Variants in SLC1A3 observed in about 807,000 individuals in gnomAD.
SLC1A3 encodes the protein solute carrier family 1 member 3.
In SLC1A3, 21 loss-of-function variants were observed where a neutral mutation model predicts 48.1. That is an observed-to-expected ratio of 0.44 (90% confidence interval 0.31 to 0.63). The LOEUF is 0.63. Ranked by LOEUF, SLC1A3 falls within the 20% of genes least tolerant of loss-of-function variation. SLC1A3 has a pLI of 0.08. For synonymous variants in SLC1A3, 239 were observed against 251.4 expected (o/e 0.95, Z 0.47); for missense variants, 546 against 689.0 (o/e 0.79, Z 2.32).
At chr5:36,606,126 T>A (rs187051792), upstream of SLC1A3, among the ~76,000 whole-genome samples, 56 of 152,284 alleles carry the variant, frequency 3.7e-4, no homozygotes, top group Admixed American at 2.9e-3. Context: ...GTAAGCATTA[T>A]TTTTTTTCTA....
chr5:36,613,531 G>C (rs1739294403), intron 2 of SLC1A3: 1 of 152,336 alleles, frequency 6.6e-6, no homozygotes, highest in Non-Finnish European at 1.5e-5. Flanking sequence ...CGTGGAGCAG[G>C]CACAGTCGGG....
chr5:36,604,950 A>T (rs1179986680), upstream of SLC1A3, among the ~76,000 whole-genome samples: 1 of 150,316 alleles, frequency 6.7e-6, no homozygotes, highest in Non-Finnish European at 1.5e-5. Flanking sequence ...CATGGCTCAG[A>T]TAGGACCTGG....
intron 3 of SLC1A3, among the ~76,000 whole-genome samples, chr5:36,653,226 C>A (rs1391253466): frequency 1.3e-5 from 2 of 152,186 alleles, no homozygotes; most frequent in East Asian, 3.8e-4. Flanking sequence ...CGTTCCCTCC[C>A]CAAGGAAATG....
intron 8 of SLC1A3, among the ~76,000 whole-genome samples, chr5:36,683,232 G>T (rs900063632): frequency 2.0e-5 from 3 of 152,122 alleles, no homozygotes; most frequent in Non-Finnish European, 4.4e-5. Flanking sequence ...TACTTTCAGG[G>T]ATGTTTAAAA....
At chr5:36,671,277 C>G in intron 4 of SLC1A3, 44 bp downstream of exon 4, 1 of 1,398,406 alleles carries the variant, frequency 7.2e-7, no homozygotes, top group Non-Finnish European at 1.0e-6. Context: ...TTTTCGCCAT[C>G]CAGACCCTCT....
chr5:36,599,385 G>C (rs1738780259), intron 1 of SLC1A3, among the ~76,000 whole-genome samples: 1 of 151,986 alleles, frequency 6.6e-6, no homozygotes, highest in Non-Finnish European at 1.5e-5. Context: ...GCTTAGCTAG[G>C]TCACAAGGCA....
intron 2 of SLC1A3, among the ~76,000 whole-genome samples, chr5:36,614,604 T>TA (rs1190818698): frequency 1.6e-4 from 24 of 152,236 alleles, no homozygotes; most frequent in Admixed American, 5.2e-4. Flanking sequence ...CGCCTGACAG[T>TA]AGACGCCTCT....
chr5:36,685,799 G>C (rs1404668953), intron 9 of SLC1A3, among the ~76,000 whole-genome samples: 1 of 152,178 alleles, frequency 6.6e-6, no homozygotes, highest in Non-Finnish European at 1.5e-5. Flanking sequence ...ATTATTATGA[G>C]AATGGCTTAA....
chr5:36,644,958 G>A (rs1740776339), intron 3 of SLC1A3, among the ~76,000 whole-genome samples: 1 of 152,116 alleles, frequency 6.6e-6, no homozygotes, highest in African/African-American at 2.4e-5. Flanking sequence ...TCAGGAATGT[G>A]GATGCTAAAA....
chr5:36,617,415 CTTT>C (rs34710652), intron 2 of SLC1A3, among the ~76,000 whole-genome samples: 25 of 57,688 alleles, frequency 4.3e-4, no homozygotes, highest in African/African-American at 1.2e-3. Flanking sequence ...AGGTTGCGGG[CTTT>C]TTTTTTTTTT....
intron 3 of SLC1A3, among the ~76,000 whole-genome samples, chr5:36,637,634 C>G (rs1281338240): frequency 6.6e-6 from 1 of 152,218 alleles, no homozygotes. Context: ...TGCTGTGGAA[C>G]TGCAGGTTTC....
In SLC1A3 at chr5:36,686,181, T is replaced by C; in HGVS notation, c.1541T>C (p.Ile514Thr). The C allele has an allele frequency of 1.2e-6, 2 of 1,614,028 alleles. No individual in the cohort carries two copies. The highest frequency in any genetic ancestry group is 2.2e-5 in the East Asian group (1 of 44,884). The change falls in exon 10 of 10, where the codon ATT (isoleucine) becomes ACT (threonine). Residue 514 changes from isoleucine (I) to threonine (T), a missense_variant. Coordinates refer to ENST00000265113, the MANE Select transcript of SLC1A3 (RefSeq NM_004172.5). Reference sequence around the variant, plus strand: ...GATGTTGAAATGGGTAACTCAGTGATTGAAGAGAATGAAATGAAGAAACCA... The same window carrying C: ...GATGTTGAAATGGGTAACTCAGTGACTGAAGAGAATGAAATGAAGAAACCA... The part of the protein sequence containing the change: ...NRDVEMGNSV[I>T]EENEMKKPYQ...
chr5:36,675,245 C>G (rs539998419), intron 5 of SLC1A3, among the ~76,000 whole-genome samples: 4 of 117,024 alleles, frequency 3.4e-5, no homozygotes, highest in African/African-American at 5.6e-5. Flanking sequence ...AAACCAAATT[C>G]TTTCTTTAAA....
At chr5:36,622,644 C>T (rs1040924749) in intron 2 of SLC1A3, among the ~76,000 whole-genome samples, 5 of 152,106 alleles carry the variant, frequency 3.3e-5, no homozygotes, top group Admixed American at 6.5e-5. Context: ...CCTATGATAT[C>T]TTCTTTCTGA....
chr5:36,655,278 T>C (rs537738252), intron 3 of SLC1A3, among the ~76,000 whole-genome samples: 1 of 152,320 alleles, frequency 6.6e-6, no homozygotes, highest in Admixed American at 6.5e-5. Flanking sequence ...AGGTCTCTCT[T>C]TGCACTTGCA....
At chr5:36,625,316 G>A (rs1739859424) in intron 2 of SLC1A3, among the ~76,000 whole-genome samples, 1 of 152,042 alleles carries the variant, frequency 6.6e-6, no homozygotes, top group Non-Finnish European at 1.5e-5. Context: ...AAATTAGCTG[G>A]GCCTGTTGGT....
At chr5:36,603,706 T>A (rs1201479768), upstream of SLC1A3, among the ~76,000 whole-genome samples, 2 of 152,148 alleles carry the variant, frequency 1.3e-5, no homozygotes, top group African/African-American at 4.8e-5. Flanking sequence ...CTCTAACACA[T>A]CCACTGTTAC....
chr5:36,665,024 C>T lies in SLC1A3; in HGVS notation c.320-6005C>T, dbSNP rs563025309. On this transcript the variant is annotated intron_variant, in intron 3 of 9. Coordinates refer to ENST00000265113, the MANE Select transcript of SLC1A3 (RefSeq NM_004172.5). ...ATTCCCAGCTCTGGAAATGAAACTC[C>T]GGGTGCCGCTGGGTTTGCATTGACA... 1.9e-4 allele frequency among the ~76,000 whole-genome samples: 29 copies of T among 151,542 alleles called. 1 individual carries two copies. Among genetic ancestry groups the T allele is most frequent in the East Asian group, 1.8e-3 (9 of 5,074 alleles).
At chr5:36,604,167 G>T (rs1214044523), upstream of SLC1A3, among the ~76,000 whole-genome samples, 1 of 152,098 alleles carries the variant, frequency 6.6e-6, no homozygotes, top group Admixed American at 6.6e-5. Context: ...GATTTTTTCA[G>T]CAGGAACAGC....
Sources: allele counts gnomAD v4.1 joint callset (sites outside exome capture counted in the v4.1 genomes callset), GRCh38; gene constraint gnomAD v4.1.1; transcripts MANE v1.5; gene names NCBI Gene and HGNC (gene_info 2026-07-23, HGNC 2026-07-21).